Variants in GRIK2 observed in about 807,000 individuals in gnomAD.
The protein encoded by GRIK2 is glutamate ionotropic receptor kainate type subunit 2, also known as glutamate receptor ionotropic, kainate 2.
Under a neutral mutation model 100.3 loss-of-function variants are expected in GRIK2, and 32 were observed. That is an observed-to-expected ratio of 0.32 (90% CI 0.24 to 0.43). The LOEUF is 0.43. Ranked by LOEUF, GRIK2 falls within the 20% of genes least tolerant of loss-of-function variation. The probability of loss-of-function intolerance (pLI) is 1.00; values close to 1 mark genes in which losing one functional copy is unlikely to be tolerated. For missense variants in GRIK2, 843 were observed against 1,114.9 expected (o/e 0.76, Z 3.47); for synonymous variants, 417 against 389.4 (o/e 1.07, Z -0.83).
At chr6:101,698,334 A>T (rs1263120543) in intron 7 of GRIK2, among the ~76,000 whole-genome samples, 1 of 152,152 alleles carries the variant, frequency 6.6e-6, no homozygotes, top group African/African-American at 2.4e-5. Flanking sequence ...TTTTAAATCC[A>T]CATTAATAAA....
chr6:101,681,404 A>ATTTTTTT (rs149557882), intron 5 of GRIK2, among the ~76,000 whole-genome samples: 4 of 111,954 alleles, frequency 3.6e-5, no homozygotes, highest in African/African-American at 3.2e-5. Context: ...TTTCTTTTCT[A>ATTTTTTT]TTTTTTTTTT....
At chr6:101,983,923 T>C (rs1319370262) in intron 14 of GRIK2, among the ~76,000 whole-genome samples, 1 of 151,666 alleles carries the variant, frequency 6.6e-6, no homozygotes, top group African/African-American at 2.4e-5. Flanking sequence ...TTTGAAAATT[T>C]TGGAAATATG....
intron 2 of GRIK2, among the ~76,000 whole-genome samples, chr6:101,446,490 T>A (rs1770386931): frequency 6.6e-6 from 1 of 151,890 alleles, no homozygotes; most frequent in South Asian, 2.1e-4. Context: ...CAGTGATAGT[T>A]TTTTTATACA....
intron 2 of GRIK2, among the ~76,000 whole-genome samples, chr6:101,415,099 C>G (rs1376309770): frequency 1.3e-5 from 2 of 151,834 alleles, no homozygotes; most frequent in Non-Finnish European, 2.9e-5. Context: ...CATAATTACA[C>G]CATGCAGCTA....
chr6:101,769,073 T>C (rs1454435043), intron 7 of GRIK2, among the ~76,000 whole-genome samples: 1 of 152,198 alleles, frequency 6.6e-6, no homozygotes, highest in African/African-American at 2.4e-5. Flanking sequence ...AACTTCATGC[T>C]TTTAACTTTT....
At chr6:101,669,986 G>T (rs959428276) in intron 4 of GRIK2, among the ~76,000 whole-genome samples, 3 of 152,042 alleles carry the variant, frequency 2.0e-5, no homozygotes, top group African/African-American at 7.2e-5. Flanking sequence ...GCAACTCCTG[G>T]TGCAGGAGTT....
intron 12 of GRIK2, among the ~76,000 whole-genome samples, chr6:101,908,802 A>G (rs559569901): frequency 7.7e-6 from 1 of 130,230 alleles, no homozygotes; most frequent in South Asian, 2.5e-4. Flanking sequence ...TTCATAGCAC[A>G]TTCAGACAAA....
chr6:101,882,546 A>G (rs1322433724), intron 11 of GRIK2, among the ~76,000 whole-genome samples: 1 of 152,034 alleles, frequency 6.6e-6, no homozygotes, highest in African/African-American at 2.4e-5. Flanking sequence ...CTGAAGCAGC[A>G]GCTAAATCTA....
At chr6:101,428,841 C>T (rs2128242220) in intron 2 of GRIK2, among the ~76,000 whole-genome samples, 1 of 152,294 alleles carries the variant, frequency 6.6e-6, no homozygotes, top group African/African-American at 2.4e-5. Flanking sequence ...TAGACTTCTG[C>T]TCACATCCCT....
chr6:101,565,435 T>A (rs1224553627), intron 2 of GRIK2, among the ~76,000 whole-genome samples: 2 of 152,130 alleles, frequency 1.3e-5, no homozygotes, highest in African/African-American at 4.8e-5. Flanking sequence ...TCTAAATGAA[T>A]ATAATTCTAA....
chr6:101,492,291 T>C (rs1437506895), intron 2 of GRIK2, among the ~76,000 whole-genome samples: 2 of 151,932 alleles, frequency 1.3e-5, no homozygotes, highest in Non-Finnish European at 2.9e-5. Context: ...CTGATATTAA[T>C]CTGTAATCAT....
intron 7 of GRIK2, among the ~76,000 whole-genome samples, chr6:101,720,774 T>TA (rs536145003): frequency 2.6e-5 from 4 of 152,148 alleles, no homozygotes; most frequent in Middle Eastern, 3.4e-3. Flanking sequence ...TGCAAACTAC[T>TA]AAAAAAATAA....
intron 14 of GRIK2, among the ~76,000 whole-genome samples, chr6:102,007,373 G>A (rs1795296695): frequency 6.6e-6 from 1 of 152,114 alleles, no homozygotes; most frequent in South Asian, 2.1e-4. Context: ...TTGAAAACTG[G>A]ATAAAGGAAA....
At chr6:101,510,164 G>A (rs1774227053) in intron 2 of GRIK2, among the ~76,000 whole-genome samples, 2 of 152,244 alleles carry the variant, frequency 1.3e-5, no homozygotes, top group African/African-American at 4.8e-5. Context: ...CAAAGGATTG[G>A]AATGTTTTGG....
chr6:101,604,448 A>C (rs1779357757), intron 2 of GRIK2, among the ~76,000 whole-genome samples: 1 of 151,864 alleles, frequency 6.6e-6, no homozygotes, highest in Non-Finnish European at 1.5e-5. Flanking sequence ...TGAAACTATG[A>C]CAGAAATAAA....
rs189633362 is a variant in GRIK2, at chr6:102,004,746, A to T, written c.2086-30595A>T. Among the ~76,000 whole-genome samples, 8 of 152,090 alleles carry T rather than the reference A, an allele frequency of 5.3e-5. No individual in the cohort carries two copies. In the East Asian group the frequency reaches 1.5e-3, roughly 29 times the overall value. On this transcript the variant is annotated intron_variant, in intron 14 of 16. Coordinates refer to ENST00000369134, the MANE Select transcript of GRIK2 (RefSeq NM_021956.5). The stretch of plus-strand genomic sequence containing the variant: ...TCAGCTAATGTTATTTCAGCTCCTT[A>T]GAATCAGAGTATAATGTGCCTACTA...
At chr6:101,440,972 ATTT>A (rs570045381) in intron 2 of GRIK2, among the ~76,000 whole-genome samples, 1 of 135,980 alleles carries the variant, frequency 7.4e-6, no homozygotes, top group Non-Finnish European at 1.6e-5. Context: ...GCAGGCCTGA[ATTT>A]TTTTTTTTTT....
intron 14 of GRIK2, among the ~76,000 whole-genome samples, chr6:101,974,335 C>T (rs756888786): frequency 1.4e-4 from 22 of 151,880 alleles, no homozygotes; most frequent in Non-Finnish European, 2.1e-4. Context: ...AGTAGATATA[C>T]GTCCTGCCCT....
At chr6:102,018,293 A>G (rs1769230393) in intron 14 of GRIK2, among the ~76,000 whole-genome samples, 2 of 152,102 alleles carry the variant, frequency 1.3e-5, no homozygotes, top group Non-Finnish European at 2.9e-5. Flanking sequence ...AGGAACTGGA[A>G]TTGTGTATTT....
Sources: gnomAD v4.1 joint callset for allele counts (sites outside exome capture counted in the v4.1 genomes callset) on GRCh38, gnomAD v4.1.1 for gene constraint, MANE v1.5 for transcripts, NCBI Gene and HGNC (gene_info 2026-07-23, HGNC 2026-07-21) for gene names.